The following MEGF10 variants were observed in gnomAD, a reference collection of about 807,000 sequenced individuals.
MEGF10 encodes the protein multiple EGF like domains 10.
In MEGF10, 86 loss-of-function variants were observed where a neutral mutation model predicts 147.5. The ratio of observed to expected loss-of-function variants is 0.58; its 90% CI spans 0.49 to 0.70. The LOEUF (loss-of-function observed/expected upper bound fraction) is 0.70, where lower values mean the gene tolerates loss of function less well. Ranked by LOEUF, MEGF10 falls within the 30% of genes least tolerant of loss-of-function variation. MEGF10 has a pLI of 0.00. For synonymous variants in MEGF10, 478 were observed against 525.5 expected, an observed-to-expected ratio of 0.91 and a Z score of 1.24; for missense variants, 1,329 against 1,487.3, an observed-to-expected ratio of 0.89 and a Z score of 1.75.
chr5:127,294,835 T>TAATTATAATAAA (rs56033520), intron 1 of MEGF10, among the ~76,000 whole-genome samples: 7 of 143,142 alleles, frequency 4.9e-5, no homozygotes, highest in African/African-American at 1.8e-4. Context: ...ATAATAATAA[T>TAATTATAATAAA]AAATAACTTG....
In MEGF10 at chr5:127,290,951, T is replaced by G. The variant is rs1759225336; in HGVS notation, c.-124T>G. 1 of 152,278 alleles carries G rather than the reference T, an allele frequency of 6.6e-6. No homozygotes were observed. Among genetic ancestry groups the G allele is most frequent in the Non-Finnish European group, 1.5e-5 (1 of 68,084 alleles). 9.4% of individuals were successfully genotyped at this position (152,278 alleles called of 1,614,324 possible). ...GATTGCTTTCTTCTGGGACGCTGCTTGGACGCTAACCGCGTTGATTGGAAC... is the reference window on the plus strand; with the variant it reads ...GATTGCTTTCTTCTGGGACGCTGCTGGGACGCTAACCGCGTTGATTGGAAC... On this transcript the variant is annotated 5_prime_UTR_variant, in exon 1 of 25. Coordinates refer to ENST00000503335, the MANE Select transcript of MEGF10 (RefSeq NM_001256545.2).
chr5:127,406,123 A>G (rs751638867), intron 8 of MEGF10, among the ~76,000 whole-genome samples: 10 of 152,216 alleles, frequency 6.6e-5, no homozygotes, highest in Non-Finnish European at 1.3e-4. Context: ...ATGGCAATAT[A>G]ATTTTTTTTT....
chr5:127,309,947 C>CTCACTCTTTCTTTCTT (rs1554088992), intron 1 of MEGF10, among the ~76,000 whole-genome samples: 2 of 90,396 alleles, frequency 2.2e-5, no homozygotes, highest in African/African-American at 8.9e-5. Context: ...TCCTTGCCAA[C>CTCACTCTTTCTTTCTT]TCTTTCTTTC....
chr5:127,436,871 A>G (rs1765566806), intron 16 of MEGF10, among the ~76,000 whole-genome samples: 1 of 152,210 alleles, frequency 6.6e-6, no homozygotes, highest in African/African-American at 2.4e-5. Flanking sequence ...GCCTGTCTAA[A>G]GAGAGCAAAG....
intron 9 of MEGF10, among the ~76,000 whole-genome samples, chr5:127,411,241 G>A (rs763413485): frequency 5.3e-5 from 8 of 152,144 alleles, no homozygotes; most frequent in Non-Finnish European, 8.8e-5. Context: ...CCCTGAAAAT[G>A]TCTTCTTACC....
intron 5 of MEGF10, among the ~76,000 whole-genome samples, chr5:127,385,188 G>A (rs1403785928): frequency 2.0e-5 from 3 of 152,056 alleles, no homozygotes; most frequent in Non-Finnish European, 4.4e-5. Flanking sequence ...TCATAGTCAT[G>A]GATTTTCCTA....
At chr5:127,402,783 T>C in intron 8 of MEGF10, 101 bp downstream of exon 8, 1 of 1,240,222 alleles carries the variant, frequency 8.1e-7, no homozygotes, top group Non-Finnish European at 1.1e-6. Context: ...CCATGACTCT[T>C]CCATAATATT....
rs755790851 is a variant in MEGF10 at position 127,398,749 on chromosome 5, G to T, written c.733G>T (p.Val245Leu). The change falls in exon 7 of 25, where the codon GTG becomes TTG. Residue 245 changes from valine (V) to leucine (L), a missense_variant. Val to Leu is a conservative substitution (Grantham distance 32). This residue lies in a region of MEGF10 where 980 missense variants were observed against 1,085.9 expected (regional missense o/e 0.90). Transcript: ENST00000503335. ...EQRCPCQNGG[V>L]CHHVTGECSC... ...GAGATGCCCTTGTCAAAATGGAGGA[G>T]TGTGTCATCACGTCACTGGAGAATG... is the stretch of plus-strand genomic sequence containing the variant. 1.2e-6 allele frequency: 2 copies of T among 1,613,862 alleles called. No homozygotes were observed. The highest frequency in any genetic ancestry group is 1.7e-6 in the Non-Finnish European group (2 of 1,179,902).
rs147559828 is a variant in MEGF10 at position 127,330,330 on chromosome 5, G to T, written c.-18-961G>T. Among the ~76,000 whole-genome samples the T allele has an allele frequency of 1.2e-3, 182 of 152,116 alleles. 1 individual carries two copies. Among genetic ancestry groups the T allele is most frequent in the African/African-American group, 4.2e-3 (174 of 41,490 alleles). On this transcript the variant is annotated intron_variant, in intron 1 of 24. Transcript: ENST00000503335. The stretch of plus-strand genomic sequence containing the variant: ...ATTTACTAGCTCCATGTTATCCTTG[G>T]ATGAAGTTCCCTACTGCACAATGGC...
intron 12 of MEGF10, 147 bp from the exon 13 acceptor site, chr5:127,422,520 AAAG>A: frequency 1.6e-6 from 1 of 613,390 alleles, no homozygotes; most frequent in Non-Finnish European, 2.9e-6. Context: ...TCTCAAAAAA[AAAG>A]AAAAAAATAA....
At chr5:127,302,256 G>T (rs746225542) in intron 1 of MEGF10, among the ~76,000 whole-genome samples, 10 of 152,166 alleles carry the variant, frequency 6.6e-5, no homozygotes, top group Non-Finnish European at 1.5e-4. Flanking sequence ...AACAAAATGT[G>T]ATATATTTAC....
chr5:127,295,006 G>A (rs1399359694), intron 1 of MEGF10, among the ~76,000 whole-genome samples: 1 of 152,010 alleles, frequency 6.6e-6, no homozygotes, highest in Non-Finnish European at 1.5e-5. Context: ...TGACGTGTCA[G>A]AGCACTGGAA....
rs370057168 is a variant in MEGF10 at position 127,437,285 on chromosome 5, G to A, written c.2105-1154G>A. Among the ~76,000 whole-genome samples, 9 of 152,238 alleles carry A rather than the reference G, an allele frequency of 5.9e-5. No homozygotes were observed. In the South Asian group the frequency reaches 8.3e-4, roughly 14 times the overall value. ...ATTATTAATCTATGTGACCTTGTAC[G>A]AGTCACTATTAACCTTTTGTGTGCT... On this transcript the variant is annotated intron_variant, in intron 16 of 24. Coordinates refer to ENST00000503335, the MANE Select transcript of MEGF10 (RefSeq NM_001256545.2).
chr5:127,261,849 C>A, the MEGF10 span, among the ~76,000 whole-genome samples: 2 of 151,942 alleles, frequency 1.3e-5, no homozygotes, highest in Non-Finnish European at 2.9e-5. Flanking sequence ...TTTGCATTTC[C>A]CTAATGTCTA....
Position 127,447,515 on chromosome 5 carries a change from A to T in MEGF10, c.2729-42A>T, listed in dbSNP as rs1765989230. The stretch of plus-strand genomic sequence containing the variant: ...TGATTCCCTTTTTTCACACACATTT[A>T]TGGGAGCCTGCTGCCTTAACCATTT... On this transcript the variant is annotated intron_variant, in intron 20 of 24. Coordinates refer to ENST00000503335, the MANE Select transcript of MEGF10 (RefSeq NM_001256545.2). The T allele has an allele frequency of 9.3e-6, 15 of 1,612,738 alleles. No individual in the cohort carries two copies. In the East Asian group the frequency reaches 3.1e-4, roughly 34 times the overall value.
intron 5 of MEGF10, among the ~76,000 whole-genome samples, chr5:127,390,090 T>A (rs1463369332): frequency 6.6e-6 from 1 of 152,182 alleles, no homozygotes. Context: ...AATAAAAGAA[T>A]AATCATGCAT....
chr5:127,434,371 TTA>T (rs1243537617), intron 14 of MEGF10, among the ~76,000 whole-genome samples: 2 of 152,166 alleles, frequency 1.3e-5, no homozygotes, highest in Non-Finnish European at 2.9e-5. Context: ...ATCTCTTTAT[TTA>T]TTCAATGAAA....
the MEGF10 span, among the ~76,000 whole-genome samples, chr5:127,247,394 A>C: frequency 2.4e-5 from 1 of 40,828 alleles, no homozygotes; most frequent in Non-Finnish European, 4.8e-5. Flanking sequence ...AAGAAGAAGA[A>C]GAAGAAGAAG....
rs1766520884 is a variant in MEGF10, at chr5:127,460,447, T to G, written c.*3129T>G. On this transcript the variant is annotated 3_prime_UTR_variant, in exon 25 of 25. Coordinates refer to ENST00000503335, the MANE Select transcript of MEGF10 (RefSeq NM_001256545.2). Reference sequence around the variant, plus strand: ...ATGTTTAGCATTATCTTTATGGAATTTATATTCACCAATTTCAGGAAAACC... The same window carrying G: ...ATGTTTAGCATTATCTTTATGGAATGTATATTCACCAATTTCAGGAAAACC... 6.6e-6 allele frequency: 1 copy of G among 152,154 alleles called. No homozygotes were observed. The allele number at this position is 152,154 out of a possible 1,614,324, so 9.4% of individuals were successfully genotyped here.
Sources: allele counts gnomAD v4.1 joint callset (sites outside exome capture counted in the v4.1 genomes callset), GRCh38; gene constraint gnomAD v4.1.1; regional missense constraint gnomAD v4.1.1; transcripts MANE v1.5; gene names NCBI Gene and HGNC (gene_info 2026-07-23, HGNC 2026-07-21).